LRP1B: variants seen among roughly 807,000 people sequenced by gnomAD.
LRP1B encodes LDL receptor related protein 1B.
Under a neutral mutation model 556.6 loss-of-function variants are expected in LRP1B, and 217 were observed. That is an observed-to-expected ratio of 0.39 (90% confidence interval 0.35 to 0.44). The LOEUF is 0.44. Ranked by LOEUF, LRP1B falls within the 20% of genes least tolerant of loss-of-function variation. The probability of loss-of-function intolerance (pLI) is 1.00; values close to 1 mark genes in which losing one functional copy is unlikely to be tolerated. For missense variants in LRP1B, 5,053 were observed against 5,620.8 expected, an observed-to-expected ratio of 0.90 and a Z score of 3.23; for synonymous variants, 2,047 against 1,865.8, an observed-to-expected ratio of 1.10 and a Z score of -2.50.
intron 82 of LRP1B, among the ~76,000 whole-genome samples, chr2:140,317,199 A>T (rs915069250): frequency 2.0e-5 from 3 of 152,234 alleles, no homozygotes; most frequent in African/African-American, 7.2e-5. Context: ...CATGGATTTT[A>T]GACTCCACCC....
intron 41 of LRP1B, among the ~76,000 whole-genome samples, chr2:140,605,673 C>T (rs1682841911): frequency 6.6e-6 from 1 of 151,432 alleles, no homozygotes; most frequent in Non-Finnish European, 1.5e-5. Flanking sequence ...TCTTTCCTCC[C>T]TCCCTCCCTC....
intron 1 of LRP1B, among the ~76,000 whole-genome samples, chr2:141,969,943 T>TATC (rs1354893998): frequency 3.3e-5 from 5 of 151,628 alleles, no homozygotes; most frequent in Non-Finnish European, 7.4e-5. Context: ...TGCCAACACT[T>TATC]ATCTTTCATC....
At chr2:142,092,510 G>A (rs1706210573) in intron 1 of LRP1B, among the ~76,000 whole-genome samples, 1 of 152,022 alleles carries the variant, frequency 6.6e-6, no homozygotes, top group Non-Finnish European at 1.5e-5. Context: ...AATAGATATG[G>A]TAGAAACAAA....
intron 21 of LRP1B, among the ~76,000 whole-genome samples, chr2:140,919,422 A>G (rs542474094): frequency 6.6e-6 from 1 of 152,254 alleles, no homozygotes; most frequent in South Asian, 2.1e-4. Flanking sequence ...CTCTTTAGGC[A>G]CATGACTTCA....
At chr2:142,115,556 A>ATGTAATATATATAT (rs1559079692) in intron 1 of LRP1B, among the ~76,000 whole-genome samples, 933 of 56,304 alleles carry the variant, frequency 0.017, 180 homozygotes, top group East Asian at 0.021. Flanking sequence ...TATATATATT[A>ATGTAATATATATAT]TATATGTAAT....
At chr2:141,016,171 A>C (rs980544447) in intron 12 of LRP1B, among the ~76,000 whole-genome samples, 19 of 152,236 alleles carry the variant, frequency 1.2e-4, no homozygotes, top group Non-Finnish European at 4.4e-5. Flanking sequence ...GGCTTCATGC[A>C]TTAATGAACC....
At chr2:140,265,207 CAGT>C (rs769366298) in intron 86 of LRP1B, among the ~76,000 whole-genome samples, 1 of 152,022 alleles carries the variant, frequency 6.6e-6, no homozygotes, top group Non-Finnish European at 1.5e-5. Flanking sequence ...TAATTCTTCA[CAGT>C]AGTAGTGATT....
chr2:141,493,513 T>G (rs1289184065), intron 2 of LRP1B, among the ~76,000 whole-genome samples: 2 of 152,290 alleles, frequency 1.3e-5, no homozygotes, highest in Non-Finnish European at 2.9e-5. Context: ...GAGGGGAATC[T>G]TGGCCATTTG....
chr2:140,625,726 A>C (rs2105263031), intron 41 of LRP1B, among the ~76,000 whole-genome samples: 1 of 152,308 alleles, frequency 6.6e-6, no homozygotes, highest in East Asian at 1.9e-4. Flanking sequence ...GACTACATAA[A>C]ATGCTGATGG....
Position 140,539,400 on chromosome 2 carries a change from C to T in LRP1B, c.7513+1573G>A, listed in dbSNP as rs191321103. Among the ~76,000 whole-genome samples the T allele has an allele frequency of 6.6e-5, 10 of 152,246 alleles. 1 individual carries two copies. The highest frequency in any genetic ancestry group is 4.4e-5 in the Non-Finnish European group (3 of 68,014). On this transcript the variant is annotated intron_variant, in intron 45 of 90. Transcript: ENST00000389484. The stretch of plus-strand genomic sequence containing the variant: ...TTCAATATGAATGCACAATGGACGT[C>T]GTCTGCCTCTACAACAGATTGTGAG...
chr2:141,390,046 G>C (rs982842453), intron 3 of LRP1B, among the ~76,000 whole-genome samples: 1 of 152,154 alleles, frequency 6.6e-6, no homozygotes, highest in African/African-American at 2.4e-5. Flanking sequence ...GCTGAGGCAA[G>C]AGAATCGCTT....
rs1700079011 is a variant in LRP1B at position 141,087,654 on chromosome 2, A to T, written c.1014-25381T>A. 2.6e-5 allele frequency among the ~76,000 whole-genome samples: 4 copies of T among 152,290 alleles called. No individual in the cohort carries two copies. In the South Asian group the frequency reaches 8.3e-4, roughly 32 times the overall value. Reference sequence around the variant, plus strand: ...CAAACAATTAGTACTCAAGATGAACATGGCTCTAAACGGGAGATTCCTAAC... The same window carrying T: ...CAAACAATTAGTACTCAAGATGAACTTGGCTCTAAACGGGAGATTCCTAAC... On this transcript the variant is annotated intron_variant, in intron 7 of 90. Coordinates refer to ENST00000389484, the MANE Select transcript of LRP1B (RefSeq NM_018557.3).
At chr2:141,244,555 T>C (rs1210854946) in intron 5 of LRP1B, among the ~76,000 whole-genome samples, 2 of 152,162 alleles carry the variant, frequency 1.3e-5, no homozygotes, top group African/African-American at 4.8e-5. Flanking sequence ...ATAATGCTTG[T>C]TTCTAGCACT....
intron 15 of LRP1B, among the ~76,000 whole-genome samples, chr2:140,999,423 T>C (rs1177934758): frequency 6.6e-6 from 1 of 152,032 alleles, no homozygotes; most frequent in Non-Finnish European, 1.5e-5. Context: ...AGACCAACAG[T>C]CTCAGAAAAA....
At chr2:140,277,177 C>A (rs1682711078) in intron 84 of LRP1B, among the ~76,000 whole-genome samples, 1 of 151,772 alleles carries the variant, frequency 6.6e-6, no homozygotes, top group Admixed American at 6.6e-5. Flanking sequence ...CAGGACCACA[C>A]TCCAGCAAAG....
intron 11 of LRP1B, among the ~76,000 whole-genome samples, chr2:141,029,079 G>A (rs913295702): frequency 2.0e-5 from 3 of 152,114 alleles, no homozygotes; most frequent in Admixed American, 6.6e-5. Flanking sequence ...ATGGAAGAAC[G>A]TTCCAGACAC....
At chr2:141,740,464 G>T (rs887269960) in intron 2 of LRP1B, among the ~76,000 whole-genome samples, 2 of 152,048 alleles carry the variant, frequency 1.3e-5, no homozygotes, top group Non-Finnish European at 2.9e-5. Flanking sequence ...ATTTTTGTGG[G>T]TACATAGTAG....
intron 1 of LRP1B, among the ~76,000 whole-genome samples, chr2:141,839,177 TTG>T (rs1309260001): frequency 2.6e-5 from 4 of 152,170 alleles, no homozygotes; most frequent in African/African-American, 7.2e-5. Context: ...TCATCCAAAA[TTG>T]TGTTTCCTAT....
intron 41 of LRP1B, among the ~76,000 whole-genome samples, chr2:140,645,825 A>G (rs1435387270): frequency 6.6e-6 from 1 of 152,052 alleles, no homozygotes; most frequent in Non-Finnish European, 1.5e-5. Flanking sequence ...AGCGTGAGCC[A>G]TCGCACCGGG....
Sources: allele counts gnomAD v4.1 joint callset (sites outside exome capture counted in the v4.1 genomes callset), GRCh38; gene constraint gnomAD v4.1.1; transcripts MANE v1.5; gene names NCBI Gene and HGNC (gene_info 2026-07-23, HGNC 2026-07-21).